Variants in ZAP70 observed in about 807,000 individuals in gnomAD.
The protein encoded by ZAP70 is zeta chain of T cell receptor associated protein kinase 70.
ZAP70 carries 27 observed loss-of-function variants against 65.8 expected under a neutral mutation model. The observed-to-expected ratio is 0.41, with a 90% CI of 0.30 to 0.57. The LOEUF (loss-of-function observed/expected upper bound fraction) is 0.57, where lower values mean the gene tolerates loss of function less well. Among genes scored for constraint, ZAP70 ranks in the 20% least tolerant of loss-of-function variants. The probability of loss-of-function intolerance (pLI) is 0.28; values close to 1 mark genes in which losing one functional copy is unlikely to be tolerated. For missense variants in ZAP70, 696 were observed against 870.5 expected (o/e 0.80, Z 2.52); for synonymous variants, 363 against 360.8 (o/e 1.01, Z -0.07).
rs1004831939 is a variant in ZAP70 at position 97,736,425 on chromosome 2, A to G, written c.1289+969A>G. Reference sequence around the variant, plus strand: ...GTGCCCCTGGCTCCCACATTCAGTCATTTGACAGGTGTTTATTGGACAGTT... The same window carrying G: ...GTGCCCCTGGCTCCCACATTCAGTCGTTTGACAGGTGTTTATTGGACAGTT... On this transcript the variant is annotated intron_variant, in intron 10 of 13. Transcript: ENST00000264972. This position sits in a 1 kb window ranked among gnomAD's most constrained non-coding sequence, Gnocchi z 4.0. Among the ~76,000 whole-genome samples, 1 of 152,170 alleles carries G rather than the reference A, an allele frequency of 6.6e-6. No individual in the cohort carries two copies. The highest frequency in any genetic ancestry group is 1.5e-5 in the Non-Finnish European group (1 of 68,034).
chr2:97,734,255 G>A, intron 8 of ZAP70: 1 of 939,156 alleles, frequency 1.1e-6, no homozygotes, highest in East Asian at 2.9e-5. Flanking sequence ...ACCCCAGCTG[G>A]CACAGTAACG....
At position 97,736,730 on chromosome 2, in the gene ZAP70, C is replaced by T. The variant is rs531403770; in HGVS notation, c.1290-743C>T. On this transcript the variant is annotated intron_variant, in intron 10 of 13. Coordinates refer to ENST00000264972, the MANE Select transcript of ZAP70 (RefSeq NM_001079.4). The surrounding 1 kb of genome is among the most constrained non-coding windows in gnomAD (Gnocchi z 4.0). ...GAAGGGCATTCCAGGCAAAGGGCAC[C>T]GCCTGTGCAGAGGCCCTGAGGTGGT... Among the ~76,000 whole-genome samples, 6 of 152,276 alleles carry T rather than the reference C, an allele frequency of 3.9e-5. No individual in the cohort carries two copies. The highest frequency in any genetic ancestry group is 9.6e-5 in the African/African-American group (4 of 41,560).
the ZAP70 span, among the ~76,000 whole-genome samples, chr2:97,752,340 A>T: frequency 6.6e-6 from 1 of 152,206 alleles, no homozygotes; most frequent in African/African-American, 2.4e-5. Flanking sequence ...TTGCCAATTT[A>T]TTTTTACAGC....
downstream of ZAP70, among the ~76,000 whole-genome samples, chr2:97,741,571 T>C (rs1034445512): frequency 2.0e-5 from 3 of 151,756 alleles, no homozygotes; most frequent in African/African-American, 4.9e-5. Context: ...CTAGGAAAGC[T>C]CCCCGCCCAG....
downstream of ZAP70, among the ~76,000 whole-genome samples, chr2:97,744,175 C>G (rs1678193610): frequency 6.6e-6 from 1 of 152,164 alleles, no homozygotes; most frequent in Admixed American, 6.5e-5. Context: ...CTATCCACTC[C>G]CCGCTCCTCG....
In ZAP70 at chr2:97,736,535, A is replaced by T. The variant is rs1033613108; in HGVS notation, c.1290-938A>T. Among the ~76,000 whole-genome samples, 5 of 152,220 alleles carry T rather than the reference A, an allele frequency of 3.3e-5. No homozygotes were observed. The highest frequency in any genetic ancestry group is 1.2e-4 in the African/African-American group (5 of 41,456). On this transcript the variant is annotated intron_variant, in intron 10 of 13. Coordinates refer to ENST00000264972, the MANE Select transcript of ZAP70 (RefSeq NM_001079.4). This position sits in a 1 kb window ranked among gnomAD's most constrained non-coding sequence, Gnocchi z 4.0. Reference sequence around the variant, plus strand: ...GATCCATGCTCTGTATTCTGGTTGGAGAAGAGAGACAGTAAGTAACAATCC... The same window carrying T: ...GATCCATGCTCTGTATTCTGGTTGGTGAAGAGAGACAGTAAGTAACAATCC...
chr2:97,734,959 G>C, intron 9 of ZAP70: 1 of 662,344 alleles, frequency 1.5e-6, no homozygotes, highest in Admixed American at 2.9e-5. Flanking sequence ...GAGCTGCAGT[G>C]GGGTCCCCGA....
In ZAP70 at chr2:97,723,314, G is replaced by A. The variant is rs541600255; in HGVS notation, c.-21-702G>A. 9.8e-5 allele frequency among the ~76,000 whole-genome samples: 15 copies of A among 152,386 alleles called. No homozygotes were observed. The East Asian group carries it at 2.9e-3, about 29-fold the overall frequency. Reference sequence around the variant, plus strand: ...TGCCTGCTAAGGCCGAGGGGAAAGGGTCAGCGGAAGGGACAAGGGAGGCTG... The same window carrying A: ...TGCCTGCTAAGGCCGAGGGGAAAGGATCAGCGGAAGGGACAAGGGAGGCTG... On this transcript the variant is annotated intron_variant, in intron 2 of 13. Coordinates refer to ENST00000264972, the MANE Select transcript of ZAP70 (RefSeq NM_001079.4).
intron 13 of ZAP70, 74 bp downstream of exon 13, chr2:97,738,181 A>G (rs1573290880): frequency 1.5e-6 from 2 of 1,379,014 alleles, no homozygotes; most frequent in Non-Finnish European, 2.0e-6. Context: ...GTTGATGTCA[A>G]TATAACTCTA....
At chr2:97,730,187 A>G (rs1677544785) in intron 4 of ZAP70, among the ~76,000 whole-genome samples, 1 of 152,224 alleles carries the variant, frequency 6.6e-6, no homozygotes, top group Non-Finnish European at 1.5e-5. Flanking sequence ...AGGTTGCACC[A>G]TTGTACTCCA....
chr2:97,744,756 A>G (rs1221904751), downstream of ZAP70, among the ~76,000 whole-genome samples: 2 of 152,224 alleles, frequency 1.3e-5, no homozygotes, highest in African/African-American at 2.4e-5. Context: ...TAATCCCTTC[A>G]ACAAATGGTA....
chr2:97,744,733 T>C (rs757507577), downstream of ZAP70, among the ~76,000 whole-genome samples: 6 of 152,292 alleles, frequency 3.9e-5, no homozygotes, highest in Middle Eastern at 3.4e-3. Context: ...AGTCTGTTCA[T>C]TGGGGTAAAG....
downstream of ZAP70, among the ~76,000 whole-genome samples, chr2:97,740,597 T>C (rs576828570): frequency 2.1e-4 from 32 of 152,260 alleles, no homozygotes; most frequent in South Asian, 4.1e-4. Context: ...AAAAAATGGG[T>C]GTCAAGTACA....
the ZAP70 span, among the ~76,000 whole-genome samples, chr2:97,753,536 G>C: frequency 1.3e-5 from 2 of 152,160 alleles, no homozygotes; most frequent in African/African-American, 4.8e-5. Flanking sequence ...GGCTAAAACA[G>C]TCTTTTAAAT....
chr2:97,738,219 C>A, intron 13 of ZAP70, 112 bp downstream of exon 13: 2 of 1,113,414 alleles, frequency 1.8e-6, no homozygotes, highest in Non-Finnish European at 2.7e-6. Context: ...CAAAGCCCTT[C>A]ACCCAGTTCA....
At position 97,715,949 on chromosome 2, in the gene ZAP70, G is replaced by A. The variant is rs568698062; in HGVS notation, c.-22+1955G>A. Among the ~76,000 whole-genome samples, 87 of 152,304 alleles carry A rather than the reference G, an allele frequency of 5.7e-4. No individual in the cohort carries two copies. Among genetic ancestry groups the A allele is most frequent in the African/African-American group, 1.9e-3 (78 of 41,564 alleles). ...AAGACAGAGCCGTGGGCCCTGCCTC[G>A]GGGAGCTCAGCCTGGTGAGGGACTG... is the stretch of plus-strand genomic sequence containing the variant. On this transcript the variant is annotated intron_variant, in intron 2 of 13. Coordinates refer to ENST00000264972, the MANE Select transcript of ZAP70 (RefSeq NM_001079.4). This position sits in a 1 kb window ranked among gnomAD's most constrained non-coding sequence, Gnocchi z 4.1.
chr2:97,748,909 T>C, the ZAP70 span, among the ~76,000 whole-genome samples: 1 of 152,122 alleles, frequency 6.6e-6, no homozygotes, highest in Non-Finnish European at 1.5e-5. Context: ...CCGGGGCTGA[T>C]TGCGGATCTC....
At chr2:97,755,202 C>G in the ZAP70 span, among the ~76,000 whole-genome samples, 6 of 152,288 alleles carry the variant, frequency 3.9e-5, no homozygotes, top group South Asian at 1.2e-3. Flanking sequence ...CGTACCGAGA[C>G]TCGCCTCGTG....
At chr2:97,732,656 C>A in intron 4 of ZAP70, 2 of 631,198 alleles carry the variant, frequency 3.2e-6, no homozygotes, top group Non-Finnish European at 5.5e-6. Flanking sequence ...GAGAACAGTG[C>A]ATTTTCCTGG....
Sources: gnomAD v4.1 joint callset for allele counts (sites outside exome capture counted in the v4.1 genomes callset) on GRCh38, gnomAD v4.1.1 for gene constraint, Gnocchi (gnomAD v3.1) non-coding constraint, MANE v1.5 for transcripts, NCBI Gene and HGNC (gene_info 2026-07-23, HGNC 2026-07-21) for gene names.